CROCC: variants seen among roughly 807,000 people sequenced by gnomAD.
CROCC encodes ciliary rootlet coiled-coil, rootletin, also known as rootletin.
CROCC carries 180 observed loss-of-function variants against 245.2 expected under a neutral mutation model. That is an observed-to-expected ratio of 0.73 (90% CI 0.65 to 0.83). The LOEUF is 0.83. Ranked by LOEUF, CROCC falls within the 40% of genes least tolerant of loss-of-function variation. The pLI, the probability that CROCC is intolerant of heterozygous loss-of-function variation, is 0.00. For missense variants in CROCC, 2,688 were observed against 2,779.4 expected (o/e 0.97, Z 0.74); for synonymous variants, 1,205 against 1,241.6 (o/e 0.97, Z 0.62).
rs2100409375 is a variant in CROCC at position 16,937,872 on chromosome 1, G to A, written c.1290+135G>A. On this transcript the variant is annotated intron_variant, in intron 10 of 36. Coordinates refer to ENST00000375541, the MANE Select transcript of CROCC (RefSeq NM_014675.5). ...ACACTCAGGTTCAGCCCTCACAGGT[G>A]TGCAGGCTTTGTGGGAAGCACACTC... The A allele has an allele frequency of 7.8e-6, 6 of 773,012 alleles. No individual in the cohort carries two copies. The Middle Eastern group carries it at 1.1e-3, about 138-fold the overall frequency. 47.9% of individuals were successfully genotyped at this position (773,012 alleles called of 1,614,324 possible). A position where few individuals can be genotyped will look rare whatever the true frequency, so the allele number is the denominator to read the frequency against.
At chr1:16,932,643 G>A (rs1373476541) in intron 8 of CROCC, among the ~76,000 whole-genome samples, 1 of 152,192 alleles carries the variant, frequency 6.6e-6, no homozygotes, top group Non-Finnish European at 1.5e-5. Context: ...CAGGAGCAAG[G>A]CATGAGCAAA....
chr1:16,967,415 C>T (rs1158021718), intron 30 of CROCC, among the ~76,000 whole-genome samples: 1 of 152,224 alleles, frequency 6.6e-6, no homozygotes, highest in African/African-American at 2.4e-5. Flanking sequence ...GGCCTCTGGC[C>T]TGGGGCCGAG....
upstream of CROCC, chr1:16,921,803 T>C (rs1325771435): frequency 5.9e-5 from 34 of 572,312 alleles, no homozygotes; most frequent in South Asian, 3.6e-4. Flanking sequence ...TTTGGCTCCC[T>C]GCCTCTGCTT....
chr1:16,968,479 G>A, intron 31 of CROCC, 61 bp downstream of exon 31: 1 of 1,422,406 alleles, frequency 7.0e-7, no homozygotes, highest in South Asian at 1.5e-5. Context: ...GAGCTTTGTA[G>A]GCACTACGCA....
chr1:16,953,200 T>C (rs1310297800), intron 20 of CROCC, 102 bp from the exon 21 acceptor site: 5 of 1,013,412 alleles, frequency 4.9e-6, no homozygotes, highest in Non-Finnish European at 7.2e-6. Context: ...CCTCCATCTC[T>C]GAGGGTATGG....
At chr1:16,928,549 A>G (rs1231020935) in intron 3 of CROCC, among the ~76,000 whole-genome samples, 3 of 152,116 alleles carry the variant, frequency 2.0e-5, no homozygotes, top group African/African-American at 7.2e-5. Context: ...CACACCTGTA[A>G]TCCCAGCACT....
chr1:16,919,184 A>T (rs952242579), upstream of CROCC, among the ~76,000 whole-genome samples: 9 of 152,296 alleles, frequency 5.9e-5, no homozygotes, highest in African/African-American at 2.2e-4. Flanking sequence ...ATGAGCATTT[A>T]TACAGCACCG....
intron 3 of CROCC, among the ~76,000 whole-genome samples, chr1:16,927,108 C>A (rs199718966): frequency 1.3e-4 from 20 of 152,228 alleles, no homozygotes; most frequent in African/African-American, 4.8e-4. Context: ...GGGCCCCACA[C>A]AGACACACAG....
In CROCC at chr1:16,961,057, C is replaced by G; in HGVS notation, c.4332C>G (p.Leu1444=). 1 of 1,334,878 alleles carries G rather than the reference C, an allele frequency of 7.5e-7. No homozygotes were observed. The highest frequency in any genetic ancestry group is 9.5e-7 in the Non-Finnish European group (1 of 1,048,166). The allele number at this position is 1,334,878 out of a possible 1,614,324, so 82.7% of individuals were successfully genotyped here. A position where few individuals can be genotyped will look rare whatever the true frequency, so the allele number is the denominator to read the frequency against. Residue 1444 remains leucine (L), a synonymous_variant, in exon 27 of 37, where the codon CTC becomes CTG. Coordinates refer to ENST00000375541, the MANE Select transcript of CROCC (RefSeq NM_014675.5). ...TGCGCTCGGCTCTGCGCCGGGGCCT[C>G]GGCCTCGGTCGCGCGCCCAGCCCAG... ...GGLRSALRRG[L]GLGRAPSPAP...
At chr1:16,936,365 T>A (rs975901496) in intron 8 of CROCC, among the ~76,000 whole-genome samples, 4 of 152,276 alleles carry the variant, frequency 2.6e-5, no homozygotes, top group Non-Finnish European at 4.4e-5. Flanking sequence ...CTTCCTGGGT[T>A]CAAGCAATTC....
intron 13 of CROCC, 152 bp downstream of exon 13, chr1:16,940,245 A>C: frequency 9.7e-7 from 1 of 1,035,442 alleles, no homozygotes; most frequent in Non-Finnish European, 1.4e-6. Context: ...TATTTTTAAA[A>C]TGGAGTCTCG....
Position 16,948,530 on chromosome 1 carries a change from G to A in CROCC, c.2708+6G>A, listed in dbSNP as rs1416689387. ...GAGGAGGCCACACGCCTGCGGTAAGGCCTTGGGCTCTGCCCAACCCGCCCT... is the reference window on the plus strand; with the variant it reads ...GAGGAGGCCACACGCCTGCGGTAAGACCTTGGGCTCTGCCCAACCCGCCCT... On this transcript the variant is annotated splice_donor_region_variant and intron_variant, in intron 18 of 36. Transcript: ENST00000375541. 2 of 1,526,884 alleles carry A rather than the reference G, an allele frequency of 1.3e-6. No individual in the cohort carries two copies. Among genetic ancestry groups the A allele is most frequent in the African/African-American group, 1.4e-5 (1 of 72,900 alleles). The allele number at this position is 1,526,884 out of a possible 1,614,324, so 94.6% of individuals were successfully genotyped here.
At chr1:16,971,771 G>T in intron 36 of CROCC, 124 bp downstream of exon 36, 1 of 1,031,996 alleles carries the variant, frequency 9.7e-7, no homozygotes, top group South Asian at 1.8e-5. Context: ...AAAGGGTGGG[G>T]TTGGCTCTGC....
At chr1:16,945,127 G>C (rs936082819) in intron 14 of CROCC, among the ~76,000 whole-genome samples, 3 of 152,278 alleles carry the variant, frequency 2.0e-5, no homozygotes, top group Non-Finnish European at 2.9e-5. Flanking sequence ...CAGCTACTCG[G>C]GAGGCTGAGG....
Position 16,972,581 on chromosome 1 carries a change from A to G in CROCC, c.*135A>G, listed in dbSNP as rs2076541797. 1.7e-6 allele frequency: 1 copy of G among 594,518 alleles called. No homozygotes were observed. Among genetic ancestry groups the G allele is most frequent in the Admixed American group, 3.5e-5 (1 of 28,950 alleles). 36.8% of individuals were successfully genotyped at this position (594,518 alleles called of 1,614,324 possible). A position where few individuals can be genotyped will look rare whatever the true frequency, so the allele number is the denominator to read the frequency against. On this transcript the variant is annotated 3_prime_UTR_variant, in exon 37 of 37. Transcript: ENST00000375541. ...TGGGATGAGGAGGCGCTCTGCTGGC[A>G]GTGCTGAGGACGGGTACTCCAGCTC... is the stretch of plus-strand genomic sequence containing the variant.
At chr1:16,923,862 G>A (rs191722670) in intron 2 of CROCC, among the ~76,000 whole-genome samples, 2 of 152,348 alleles carry the variant, frequency 1.3e-5, no homozygotes, top group Non-Finnish European at 2.9e-5. Flanking sequence ...TGTATTTTTA[G>A]TAGAGACAGG....
At chr1:16,947,304 CTAT>C in intron 17 of CROCC, among the ~76,000 whole-genome samples, 1 of 152,224 alleles carries the variant, frequency 6.6e-6, no homozygotes, top group East Asian at 1.9e-4. Context: ...CGGTGAAACC[CTAT>C]CTCTACAAAA....
intron 3 of CROCC, among the ~76,000 whole-genome samples, chr1:16,925,936 C>T (rs1269621010): frequency 6.6e-6 from 1 of 152,254 alleles, no homozygotes; most frequent in Admixed American, 6.5e-5. Context: ...TCTTTTGGTC[C>T]ATGCATGGCA....
intron 3 of CROCC, among the ~76,000 whole-genome samples, chr1:16,924,940 C>T (rs567299536): frequency 2.0e-5 from 3 of 152,402 alleles, no homozygotes; most frequent in African/African-American, 7.2e-5. Flanking sequence ...GCCACAAGAC[C>T]TGCCGCCACT....
Sources: allele counts gnomAD v4.1 joint callset (sites outside exome capture counted in the v4.1 genomes callset), GRCh38; gene constraint gnomAD v4.1.1; transcripts MANE v1.5; gene names NCBI Gene and HGNC (gene_info 2026-07-23, HGNC 2026-07-21).